Variants in EHMT1 observed in about 807,000 individuals in gnomAD.
EHMT1 encodes histone-lysine N-methyltransferase EHMT1.
Under a neutral mutation model 147.2 loss-of-function variants are expected in EHMT1, and 15 were observed. The observed-to-expected ratio is 0.10, with a 90% CI of 0.07 to 0.16. The LOEUF is 0.16. Ranked by LOEUF, EHMT1 falls within the 10% of genes least tolerant of loss-of-function variation. EHMT1 has a pLI of 1.00. For missense variants in EHMT1, 1,587 were observed against 1,772.4 expected, an observed-to-expected ratio of 0.90 and a Z score of 1.88; for synonymous variants, 795 against 709.6, an observed-to-expected ratio of 1.12 and a Z score of -1.91.
rs151289017 is a variant in EHMT1 at position 137,805,495 on chromosome 9, G to C, written c.2712+4511G>C. Among the ~76,000 whole-genome samples, 230 of 152,338 alleles carry C rather than the reference G, an allele frequency of 1.5e-3. 2 individuals are homozygous for C. The highest frequency in any genetic ancestry group is 0.014 in the Middle Eastern group (4 of 294). On this transcript the variant is annotated intron_variant, in intron 18 of 26. Coordinates refer to ENST00000460843, the MANE Select transcript of EHMT1 (RefSeq NM_024757.5). ...TTTTGATGCATTGATCTGCATATCT[G>C]CCTTTAGGCAAGTACTGTCCTTTCT...
chr9:137,751,695 A>G (rs1948981966), intron 6 of EHMT1, among the ~76,000 whole-genome samples: 1 of 152,236 alleles, frequency 6.6e-6, no homozygotes, highest in Admixed American at 6.5e-5. Context: ...GTGTGGAAAG[A>G]ATTCCAGAAC....
chr9:137,823,026 G>T (rs1384403425), intron 25 of EHMT1, among the ~76,000 whole-genome samples: 1 of 151,346 alleles, frequency 6.6e-6, no homozygotes, highest in Admixed American at 6.6e-5. Context: ...TGCCTCCTGG[G>T]TTCAAGCGAG....
chr9:137,652,675 C>T (rs960480923), intron 1 of EHMT1, among the ~76,000 whole-genome samples: 6 of 147,238 alleles, frequency 4.1e-5, no homozygotes, highest in African/African-American at 1.0e-4. Flanking sequence ...CGTGAGCCAC[C>T]GCGCCTGGCT....
intron 12 of EHMT1, among the ~76,000 whole-genome samples, chr9:137,777,648 T>G (rs1951055715): frequency 1.3e-5 from 2 of 152,176 alleles, no homozygotes; most frequent in South Asian, 4.1e-4. Flanking sequence ...AGATTCAGCT[T>G]GAAGCTCATT....
chr9:137,666,411 G>T (rs1939652228), intron 1 of EHMT1, among the ~76,000 whole-genome samples: 1 of 152,214 alleles, frequency 6.6e-6, no homozygotes, highest in Non-Finnish European at 1.5e-5. Flanking sequence ...TTGCTGACTA[G>T]CAGTGTTTTC....
intron 1 of EHMT1, among the ~76,000 whole-genome samples, chr9:137,691,010 C>T (rs1285623410): frequency 6.6e-6 from 1 of 152,124 alleles, no homozygotes; most frequent in Non-Finnish European, 1.5e-5. Context: ...TAAGTATATT[C>T]ACATTGTGCT....
chr9:137,669,333 C>G (rs1277749959), intron 1 of EHMT1, among the ~76,000 whole-genome samples: 1 of 34,072 alleles, frequency 2.9e-5, no homozygotes, highest in Non-Finnish European at 5.9e-5. Context: ...CCCCACAGCA[C>G]GTGGACCCCA....
intron 1 of EHMT1, among the ~76,000 whole-genome samples, chr9:137,661,768 A>T (rs1330428518): frequency 6.6e-6 from 1 of 151,646 alleles, no homozygotes; most frequent in Non-Finnish European, 1.5e-5. Flanking sequence ...GAGCCACTGC[A>T]CCCGGCTGTT....
intron 1 of EHMT1, chr9:137,638,415 T>G (rs1289826205): frequency 6.6e-6 from 1 of 152,178 alleles, no homozygotes; most frequent in Non-Finnish European, 1.5e-5. Flanking sequence ...CGGCTAATTT[T>G]TGTATTTTTA....
At chr9:137,780,332 T>TGTGTGGTGATGACGCTGAGAC (rs1564746177) in intron 14 of EHMT1, among the ~76,000 whole-genome samples, 1 of 83,600 alleles carries the variant, frequency 1.2e-5, no homozygotes, top group African/African-American at 5.0e-5. Flanking sequence ...ATCACTGAGA[T>TGTGTGGTGATGACGCTGAGAC]GTGTGGTGAT....
chr9:137,722,469 C>G (rs574637157), intron 3 of EHMT1, among the ~76,000 whole-genome samples: 32 of 152,358 alleles, frequency 2.1e-4, no homozygotes, highest in South Asian at 6.2e-4. Context: ...CACTGCCTCT[C>G]CGCACCCTGG....
intron 18 of EHMT1, among the ~76,000 whole-genome samples, chr9:137,805,133 C>T (rs1953835191): frequency 6.6e-6 from 1 of 151,544 alleles, no homozygotes; most frequent in South Asian, 2.1e-4. Flanking sequence ...GTGTGTCTCT[C>T]ATCCGCATGT....
At chr9:137,653,883 A>G (rs541877270) in intron 1 of EHMT1, among the ~76,000 whole-genome samples, 27 of 152,290 alleles carry the variant, frequency 1.8e-4, no homozygotes, top group African/African-American at 6.3e-4. Flanking sequence ...AAGTCAGACA[A>G]TGCCAGTACT....
chr9:137,729,978 A>G (rs1946964087), intron 4 of EHMT1, among the ~76,000 whole-genome samples: 1 of 152,178 alleles, frequency 6.6e-6, no homozygotes, highest in Admixed American at 6.5e-5. Context: ...TCGAGCACCT[A>G]GTTGTTGTGT....
In EHMT1 at chr9:137,759,554, C is replaced by T. The variant is rs954894197; in HGVS notation, c.1501+1543C>T. Among the ~76,000 whole-genome samples, 20 of 152,284 alleles carry T rather than the reference C, an allele frequency of 1.3e-4. 1 individual carries two copies. The highest frequency in any genetic ancestry group is 8.3e-4 in the South Asian group (4 of 4,814). Reference sequence around the variant, plus strand: ...GGTGCCGAGCATCAGGGCCAAAGGGCGAGAGCCAACACAAAGCCGGAGGAG... The same window carrying T: ...GGTGCCGAGCATCAGGGCCAAAGGGTGAGAGCCAACACAAAGCCGGAGGAG... On this transcript the variant is annotated intron_variant, in intron 9 of 26. Transcript: ENST00000460843.
chr9:137,704,865 T>A (rs752752728), intron 1 of EHMT1, among the ~76,000 whole-genome samples: 2 of 146,026 alleles, frequency 1.4e-5, no homozygotes, highest in Non-Finnish European at 3.0e-5. Flanking sequence ...CCTTTCTTTG[T>A]TCCTCTCTTT....
intron 25 of EHMT1, among the ~76,000 whole-genome samples, chr9:137,820,471 T>A (rs563428254): frequency 6.6e-6 from 1 of 152,362 alleles, no homozygotes; most frequent in Non-Finnish European, 1.5e-5. Context: ...CCTAATGATG[T>A]CTAGGAGTGA....
At chr9:137,820,939 G>A (rs534226892) in intron 25 of EHMT1, among the ~76,000 whole-genome samples, 6 of 151,970 alleles carry the variant, frequency 3.9e-5, no homozygotes, top group Non-Finnish European at 5.9e-5. Context: ...GTGCCGTGGC[G>A]CGATCTCAGG....
intron 1 of EHMT1, among the ~76,000 whole-genome samples, chr9:137,706,950 G>A (rs924363001): frequency 5.9e-5 from 9 of 151,526 alleles, no homozygotes; most frequent in Non-Finnish European, 8.8e-5. Context: ...TCAGCCTCCC[G>A]AGTAGCTGGG....
Sources: allele counts gnomAD v4.1 joint callset (sites outside exome capture counted in the v4.1 genomes callset), GRCh38; gene constraint gnomAD v4.1.1; transcripts MANE v1.5; gene names NCBI Gene and HGNC (gene_info 2026-07-23, HGNC 2026-07-21).